TFAP2D: variants seen among roughly 807,000 people sequenced by gnomAD.
TFAP2D encodes transcription factor AP-2-delta.
A neutral mutation model predicts 43.6 loss-of-function variants in TFAP2D; 9 were observed. That is an observed-to-expected ratio of 0.21 (90% confidence interval 0.12 to 0.36). The LOEUF is 0.36. Ranked by LOEUF, TFAP2D falls within the 10% of genes least tolerant of loss-of-function variation. The pLI is 1.00. For synonymous variants in TFAP2D, 256 were observed against 224.9 expected, an observed-to-expected ratio of 1.14 and a Z score of -1.24; for missense variants, 513 against 561.4, an observed-to-expected ratio of 0.91 and a Z score of 0.87.
At chr6:50,757,441 T>C (rs1227193970) in intron 7 of TFAP2D, among the ~76,000 whole-genome samples, 1 of 103,202 alleles carries the variant, frequency 9.7e-6, no homozygotes, top group Admixed American at 1.2e-4. Context: ...ATAGAATATA[T>C]ATACTTATTC....
At chr6:50,745,393 A>G in intron 6 of TFAP2D, 145 bp downstream of exon 6, 1 of 1,202,460 alleles carries the variant, frequency 8.3e-7, no homozygotes, top group Non-Finnish European at 1.2e-6. Context: ...ATATTAAACA[A>G]GGACTTTCTA....
intron 5 of TFAP2D, among the ~76,000 whole-genome samples, chr6:50,739,836 G>A (rs1403683942): frequency 1.3e-5 from 2 of 152,162 alleles, no homozygotes; most frequent in Non-Finnish European, 2.9e-5. Flanking sequence ...CTAAGTGCAG[G>A]ATATTGAATG....
intron 5 of TFAP2D, among the ~76,000 whole-genome samples, chr6:50,732,883 T>C (rs999395679): frequency 6.6e-6 from 1 of 152,118 alleles, no homozygotes; most frequent in Admixed American, 6.6e-5. Context: ...TCATTTTTCC[T>C]ATATTCCTTT....
intron 7 of TFAP2D, among the ~76,000 whole-genome samples, chr6:50,764,507 CT>C (rs1455701857): frequency 1.3e-5 from 2 of 152,116 alleles, no homozygotes; most frequent in Non-Finnish European, 2.9e-5. Flanking sequence ...ACATACGCTG[CT>C]GTGCAATATA....
intron 7 of TFAP2D, among the ~76,000 whole-genome samples, chr6:50,766,119 G>A (rs1038595333): frequency 1.3e-5 from 2 of 152,130 alleles, no homozygotes. Flanking sequence ...TTATTGAAGA[G>A]ACCATCCTTT....
At chr6:50,736,766 T>C (rs1296463528) in intron 5 of TFAP2D, among the ~76,000 whole-genome samples, 1 of 152,146 alleles carries the variant, frequency 6.6e-6, no homozygotes, top group Non-Finnish European at 1.5e-5. Flanking sequence ...TCATGGTGAC[T>C]GTGCCACATA....
chr6:50,717,991 C>T (rs990769299), intron 2 of TFAP2D: 9 of 152,194 alleles, frequency 5.9e-5, no homozygotes, highest in African/African-American at 1.9e-4. Flanking sequence ...TCTAAGTCTG[C>T]CTAACAGATG....
At position 50,728,880 on chromosome 6, in the gene TFAP2D, C is replaced by T; in HGVS notation, c.623C>T (p.Thr208Ile). 6.2e-7 allele frequency: 1 copy of T among 1,614,026 alleles called. No individual in the cohort carries two copies. Among genetic ancestry groups the T allele is most frequent in the East Asian group, 2.2e-5 (1 of 44,890 alleles). The change falls in exon 4 of 8, where the codon ACA (threonine) becomes ATA (isoleucine). Residue 208 changes from threonine (T) to isoleucine (I), a missense_variant. Thr to Ile is a moderately conservative substitution (Grantham distance 89). Around this residue, in one of 3 missense-constraint regions of TFAP2D, gnomAD observed 311 missense variants for 316.2 expected, o/e 0.98. Transcript: ENST00000008391. The part of the protein sequence containing the change: ...RRGGTCVVNP[T>I]DLFCSVPGRL... ...GGTGGCACCTGTGTGGTCAACCCCA[C>T]AGACTTATTTTGCTCTGTCCCTGGC...
At chr6:50,730,785 G>A (rs1367969737) in intron 5 of TFAP2D, among the ~76,000 whole-genome samples, 4 of 152,014 alleles carry the variant, frequency 2.6e-5, no homozygotes, top group African/African-American at 4.8e-5. Flanking sequence ...TGATGGCTTA[G>A]GCATCTAAAG....
intron 7 of TFAP2D, among the ~76,000 whole-genome samples, chr6:50,763,242 T>A (rs754926743): frequency 6.6e-6 from 1 of 152,118 alleles, no homozygotes; most frequent in Non-Finnish European, 1.5e-5. Flanking sequence ...CTATGATGCC[T>A]TCAATCACAT....
intron 3 of TFAP2D, among the ~76,000 whole-genome samples, chr6:50,728,638 A>G (rs1394555123): frequency 6.6e-6 from 1 of 152,202 alleles, no homozygotes; most frequent in Non-Finnish European, 1.5e-5. Flanking sequence ...TAACAATTGT[A>G]CACTCACAGA....
At chr6:50,741,272 T>C (rs1769041336) in intron 5 of TFAP2D, among the ~76,000 whole-genome samples, 1 of 152,206 alleles carries the variant, frequency 6.6e-6, no homozygotes, top group Admixed American at 6.5e-5. Flanking sequence ...TACACACCCA[T>C]GTACCCTACT....
intron 1 of TFAP2D, among the ~76,000 whole-genome samples, chr6:50,714,819 G>A (rs141425119): frequency 1.2e-4 from 19 of 152,204 alleles, no homozygotes; most frequent in African/African-American, 4.6e-4. Flanking sequence ...GTGTGTCTGT[G>A]TGTGTGTGTC....
intron 7 of TFAP2D, among the ~76,000 whole-genome samples, chr6:50,757,537 A>C (rs1769294725): frequency 1.2e-5 from 1 of 83,448 alleles, no homozygotes; most frequent in Non-Finnish European, 2.1e-5. Context: ...ATTATTCTAT[A>C]TATATAGAAT....
In TFAP2D at chr6:50,757,124, G is replaced by A. The variant is rs1426786450; in HGVS notation, c.1139+5800G>A. On this transcript the variant is annotated intron_variant, in intron 7 of 7. Coordinates refer to ENST00000008391, the MANE Select transcript of TFAP2D (RefSeq NM_172238.4). ...ATGTACCTTGGGAGGCTGAAGTTTT[G>A]TTGTTTGCGTTATTTCTAGTAGAAT... 7.3e-5 allele frequency among the ~76,000 whole-genome samples: 11 copies of A among 151,290 alleles called. 1 individual carries two copies. The highest frequency in any genetic ancestry group is 1.6e-4 in the Non-Finnish European group (11 of 67,816).
chr6:50,738,203 T>C (rs1202145908), intron 5 of TFAP2D, among the ~76,000 whole-genome samples: 1 of 152,122 alleles, frequency 6.6e-6, no homozygotes. Flanking sequence ...ACTTATTTTG[T>C]ATTTATGGAG....
Position 50,728,987 on chromosome 6 carries a change from C to T in TFAP2D, c.730C>T (p.Leu244Phe). The T allele has an allele frequency of 1.2e-6, 2 of 1,613,978 alleles. No homozygotes were observed. Among genetic ancestry groups the T allele is most frequent in the Non-Finnish European group, 1.7e-6 (2 of 1,179,922 alleles). ...VKRRLSPPEC[L>F]NASLLGGILR... ...GAGGCGCCTCTCCCCACCTGAGTGCCTCAATGCTTCACTCTTGGGAGGCAT... is the reference window on the plus strand; with the variant it reads ...GAGGCGCCTCTCCCCACCTGAGTGCTTCAATGCTTCACTCTTGGGAGGCAT... The change falls in exon 4 of 8, where the codon CTC becomes TTC. Residue 244 changes from leucine (L) to phenylalanine (F), a missense_variant. This residue lies in a region of TFAP2D where 311 missense variants were observed against 316.2 expected (regional missense o/e 0.98). Transcript: ENST00000008391.
At chr6:50,761,600 G>T (rs1769365371) in intron 7 of TFAP2D, among the ~76,000 whole-genome samples, 1 of 152,012 alleles carries the variant, frequency 6.6e-6, no homozygotes, top group East Asian at 1.9e-4. Flanking sequence ...TTCAGGAGAG[G>T]ATTCCATAGA....
intron 7 of TFAP2D, among the ~76,000 whole-genome samples, chr6:50,757,827 A>T (rs1769310942): frequency 7.6e-6 from 1 of 130,986 alleles, no homozygotes; most frequent in Non-Finnish European, 1.6e-5. Flanking sequence ...GAATATATAT[A>T]ATTATATATA....
Sources: gnomAD v4.1 joint callset for allele counts (sites outside exome capture counted in the v4.1 genomes callset) on GRCh38, gnomAD v4.1.1 for gene constraint, gnomAD v4.1.1 regional missense constraint, MANE v1.5 for transcripts, NCBI Gene and HGNC (gene_info 2026-07-23, HGNC 2026-07-21) for gene names.